PCDHGA12: variants seen among roughly 807,000 people sequenced by gnomAD.
The protein encoded by PCDHGA12 is protocadherin gamma-A12.
In PCDHGA12, 43 loss-of-function variants were observed where a neutral mutation model predicts 61.1. The ratio of observed to expected loss-of-function variants is 0.70; its 90% CI spans 0.55 to 0.91. The LOEUF (loss-of-function observed/expected upper bound fraction) is 0.91, where lower values mean the gene tolerates loss of function less well. PCDHGA12 is among the 40% of genes least tolerant of loss of function. The pLI is 0.00. For missense variants in PCDHGA12, 1,236 were observed against 1,227.7 expected (o/e 1.01, Z -0.10); for synonymous variants, 520 against 542.9 (o/e 0.96, Z 0.59).
At position 141,485,069 on chromosome 5, in the gene PCDHGA12, G is replaced by A. The variant is rs1185236732; in HGVS notation, c.2425-9738G>A. 1.1e-6 allele frequency: 1 copy of A among 905,912 alleles called. No homozygotes were observed. Among genetic ancestry groups the A allele is most frequent in the Non-Finnish European group, 1.7e-6 (1 of 577,940 alleles). The allele number at this position is 905,912 out of a possible 1,614,324, so 56.1% of individuals were successfully genotyped here. A position where few individuals can be genotyped will look rare whatever the true frequency, so the allele number is the denominator to read the frequency against. On this transcript the variant is annotated intron_variant, in intron 1 of 3. Coordinates refer to ENST00000252085, the MANE Select transcript of PCDHGA12 (RefSeq NM_003735.3). This position sits in a 1 kb window ranked among gnomAD's most constrained non-coding sequence, Gnocchi z 5.7. ...GCGCCGGCCGAACCGCGCCAGAGCTGGCGCGGGGAAAGGGAGATAGGTGTC... is the reference window on the plus strand; with the variant it reads ...GCGCCGGCCGAACCGCGCCAGAGCTAGCGCGGGGAAAGGGAGATAGGTGTC...
chr5:141,435,795 G>A (rs150143106), intron 1 of PCDHGA12, among the ~76,000 whole-genome samples: 16 of 152,032 alleles, frequency 1.1e-4, no homozygotes, highest in Admixed American at 2.0e-4. Flanking sequence ...GAAACATAAC[G>A]TCCCAATTAT....
chr5:141,465,643 C>T (rs561758040), intron 1 of PCDHGA12, among the ~76,000 whole-genome samples: 2 of 152,306 alleles, frequency 1.3e-5, no homozygotes, highest in East Asian at 3.9e-4. Flanking sequence ...ATGCTTTGAA[C>T]ATCCCAAAAA....
At chr5:141,449,264 C>CTG (rs2098633558) in intron 1 of PCDHGA12, among the ~76,000 whole-genome samples, 1 of 152,056 alleles carries the variant, frequency 6.6e-6, no homozygotes, top group African/African-American at 2.4e-5. Context: ...GTACAAAGAA[C>CTG]TGTATCTCCT....
At chr5:141,433,261 A>G (rs761584659) in intron 1 of PCDHGA12, 78 bp downstream of exon 1, 4 of 1,344,710 alleles carry the variant, frequency 3.0e-6, no homozygotes, top group Non-Finnish European at 4.1e-6. Context: ...CGGTACGATC[A>G]TAGCTCACTG....
At position 141,512,967 on chromosome 5, in the gene PCDHGA12, T is replaced by C. The variant is rs2099884538; in HGVS notation, c.*1794T>C. ...CGACAAAAAAATAATAAAACGTTTC[T>C]TCTGAAAAGCTGAACGTTTCTGTAT... On this transcript the variant is annotated 3_prime_UTR_variant, in exon 4 of 4. Transcript: ENST00000252085. The C allele has an allele frequency of 6.6e-6, 1 of 152,260 alleles. No individual in the cohort carries two copies. Among genetic ancestry groups the C allele is most frequent in the South Asian group, 2.1e-4 (1 of 4,832 alleles). The allele number at this position is 152,260 out of a possible 1,614,324, so 9.4% of individuals were successfully genotyped here.
intron 2 of PCDHGA12, among the ~76,000 whole-genome samples, chr5:141,495,702 T>G (rs1462896403): frequency 6.6e-6 from 1 of 152,212 alleles, no homozygotes; most frequent in African/African-American, 2.4e-5. Context: ...TCAATAAATG[T>G]GGAGTGAGTA....
intron 1 of PCDHGA12, among the ~76,000 whole-genome samples, chr5:141,457,920 C>T (rs1340816332): frequency 6.6e-6 from 1 of 150,868 alleles, no homozygotes; most frequent in Non-Finnish European, 1.5e-5. Flanking sequence ...GCCAGTTCTC[C>T]CCAAGGGGCT....
chr5:141,444,947 C>G (rs2098452252), intron 1 of PCDHGA12, among the ~76,000 whole-genome samples: 1 of 152,054 alleles, frequency 6.6e-6, no homozygotes, highest in Non-Finnish European at 1.5e-5. Context: ...GGAGGAGGAT[C>G]ATCTTAACAA....
At chr5:141,437,345 A>T (rs1018513998) in intron 1 of PCDHGA12, among the ~76,000 whole-genome samples, 2 of 152,252 alleles carry the variant, frequency 1.3e-5, no homozygotes, top group Non-Finnish European at 2.9e-5. Context: ...TCACTGTTTT[A>T]TAGTACCTAA....
At position 141,448,695 on chromosome 5, in the gene PCDHGA12, C is replaced by T. The variant is rs535473305; in HGVS notation, c.2424+15512C>T. 2.7e-4 allele frequency among the ~76,000 whole-genome samples: 41 copies of T among 152,246 alleles called. No homozygotes were observed. In the South Asian group the frequency reaches 8.5e-3, roughly 32 times the overall value. On this transcript the variant is annotated intron_variant, in intron 1 of 3. Coordinates refer to ENST00000252085, the MANE Select transcript of PCDHGA12 (RefSeq NM_003735.3). Reference sequence around the variant, plus strand: ...GTGGCTCACGCCTGTAATCGCAGCACTTTGGGAGGCCGAGGCGGGAGGATC... The same window carrying T: ...GTGGCTCACGCCTGTAATCGCAGCATTTTGGGAGGCCGAGGCGGGAGGATC...
chr5:141,433,406 T>TC (rs397794347), intron 1 of PCDHGA12, among the ~76,000 whole-genome samples: 446 of 150,100 alleles, frequency 3.0e-3, no homozygotes, highest in African/African-American at 0.01. Context: ...TATCTATCTA[T>TC]TACTTTCTTG....
At chr5:141,503,801 G>A (rs920669425) in intron 2 of PCDHGA12, among the ~76,000 whole-genome samples, 1 of 151,990 alleles carries the variant, frequency 6.6e-6, no homozygotes, top group Admixed American at 6.6e-5. Flanking sequence ...ACTTAGGGAC[G>A]GGGAATCCCA....
rs11953770 is a variant in PCDHGA12 at position 141,510,741 on chromosome 5, C to T, written c.2573-206C>T. On this transcript the variant is annotated intron_variant, in intron 3 of 3. Coordinates refer to ENST00000252085, the MANE Select transcript of PCDHGA12 (RefSeq NM_003735.3). ...TAAGGAAAGGAGCTAGGAATCAAACCTAGACTTTCTCACTCCAGAGCCTCT... is the reference window on the plus strand; with the variant it reads ...TAAGGAAAGGAGCTAGGAATCAAACTTAGACTTTCTCACTCCAGAGCCTCT... Among the ~76,000 whole-genome samples the T allele has an allele frequency of 2.6e-5, 4 of 152,138 alleles. No homozygotes were observed. In the South Asian group the frequency reaches 8.3e-4, roughly 32 times the overall value.
rs767521224 is a variant in PCDHGA12 at position 141,431,148 on chromosome 5, C to T, written c.389C>T (p.Ala130Val). 3.7e-6 allele frequency: 6 copies of T among 1,614,146 alleles called. No homozygotes were observed. Among genetic ancestry groups the T allele is most frequent in the Admixed American group, 1.7e-5 (1 of 60,030 alleles). The change falls in exon 1 of 4, where the codon GCG (alanine) becomes GTG (valine). Residue 130 changes from alanine (A) to valine (V), a missense_variant. Physicochemically the swap from Ala to Val is moderately conservative, Grantham distance 64. Coordinates refer to ENST00000252085, the MANE Select transcript of PCDHGA12 (RefSeq NM_003735.3). The surrounding 1 kb of genome is among the most constrained non-coding windows in gnomAD (Gnocchi z 4.8). Reference sequence around the variant, plus strand: ...GAAGTAAGGGACATTAACGACAATGCGCCTTACTTTCGTGAAAGTGAATTA... The same window carrying T: ...GAAGTAAGGGACATTAACGACAATGTGCCTTACTTTCGTGAAAGTGAATTA... ...EVEVRDINDNAPYFRESELEI... is the reference protein window; with the variant it reads ...EVEVRDINDNVPYFRESELEI...
chr5:141,485,065 A>G lies in PCDHGA12; in HGVS notation c.2425-9742A>G, dbSNP rs527439590. On this transcript the variant is annotated intron_variant, in intron 1 of 3. Transcript: ENST00000252085. The surrounding 1 kb of genome is among the most constrained non-coding windows in gnomAD (Gnocchi z 5.7). ...TGCGGCGCCGGCCGAACCGCGCCAG[A>G]GCTGGCGCGGGGAAAGGGAGATAGG... The G allele has an allele frequency of 4.2e-5, 37 of 877,696 alleles. No individual in the cohort carries two copies. Among genetic ancestry groups the G allele is most frequent in the Non-Finnish European group, 6.5e-5 (36 of 552,826 alleles). The allele number at this position is 877,696 out of a possible 1,614,324, so 54.4% of individuals were successfully genotyped here. A position where few individuals can be genotyped will look rare whatever the true frequency, so the allele number is the denominator to read the frequency against.
chr5:141,495,449 G>T (rs1249221693), intron 2 of PCDHGA12, among the ~76,000 whole-genome samples: 1 of 152,194 alleles, frequency 6.6e-6, no homozygotes, highest in East Asian at 1.9e-4. Flanking sequence ...TACTTGTCCT[G>T]CTCTCTGTCT....
intron 1 of PCDHGA12, among the ~76,000 whole-genome samples, chr5:141,436,199 A>G (rs576607542): frequency 7.2e-5 from 11 of 152,282 alleles, no homozygotes; most frequent in East Asian, 5.8e-4. Context: ...AAAGAAAGAC[A>G]TAATAGGAAA....
chr5:141,496,077 C>G (rs1269618753), intron 2 of PCDHGA12, among the ~76,000 whole-genome samples: 1 of 152,042 alleles, frequency 6.6e-6, no homozygotes, highest in African/African-American at 2.4e-5. Flanking sequence ...CACACACAAC[C>G]CCCCACCCAC....
In PCDHGA12 at chr5:141,489,684, T is replaced by A; in HGVS notation, c.2425-5123T>A. 1 of 1,614,180 alleles carries A rather than the reference T, an allele frequency of 6.2e-7. No homozygotes were observed. Among genetic ancestry groups the A allele is most frequent in the South Asian group, 1.1e-5 (1 of 91,078 alleles). ...TGCGCATCTCAGAATCAGCAGCATC[T>A]GGGGCACGATTCCCACTGGACAGTG... On this transcript the variant is annotated intron_variant, in intron 1 of 3. Transcript: ENST00000252085. This position sits in a 1 kb window ranked among gnomAD's most constrained non-coding sequence, Gnocchi z 4.5.
Sources: gnomAD v4.1 joint callset for allele counts (sites outside exome capture counted in the v4.1 genomes callset) on GRCh38, gnomAD v4.1.1 for gene constraint, Gnocchi (gnomAD v3.1) non-coding constraint, MANE v1.5 for transcripts, NCBI Gene and HGNC (gene_info 2026-07-23, HGNC 2026-07-21) for gene names.